ATP8B4: variants seen among roughly 807,000 people sequenced by gnomAD.
ATP8B4 encodes the protein ATPase phospholipid transporting 8B4 (putative).
A neutral mutation model predicts 145.6 loss-of-function variants in ATP8B4; 133 were observed. The observed-to-expected ratio is 0.91, with a 90% CI of 0.79 to 1.05. The LOEUF (loss-of-function observed/expected upper bound fraction) is 1.05, where lower values mean the gene tolerates loss of function less well. ATP8B4 is among the 50% of genes least tolerant of loss of function. The pLI is 0.00. For missense variants in ATP8B4, 1,458 were observed against 1,425.2 expected (o/e 1.02, Z -0.37); for synonymous variants, 507 against 492.9 (o/e 1.03, Z -0.38).
chr15:49,867,182 G>T (rs982066321), intron 25 of ATP8B4, among the ~76,000 whole-genome samples: 1 of 152,168 alleles, frequency 6.6e-6, no homozygotes, highest in Non-Finnish European at 1.5e-5. Flanking sequence ...GTTCTTCAGA[G>T]AATAAAAAAG....
chr15:49,946,660 G>A (rs1339360669), intron 14 of ATP8B4, among the ~76,000 whole-genome samples: 2 of 151,940 alleles, frequency 1.3e-5, no homozygotes, highest in African/African-American at 4.8e-5. Context: ...TGCAACCCAG[G>A]GATGAAGGAC....
Position 49,860,096 on chromosome 15 carries a change from GC to G in ATP8B4, c.*97del. The G allele has an allele frequency of 7.1e-7, 1 of 1,413,566 alleles. No homozygotes were observed. Among genetic ancestry groups the G allele is most frequent in the Non-Finnish European group, 9.6e-7 (1 of 1,044,814 alleles). 87.6% of individuals were successfully genotyped at this position (1,413,566 alleles called of 1,614,324 possible). A position where few individuals can be genotyped will look rare whatever the true frequency, so the allele number is the denominator to read the frequency against. On this transcript the variant is annotated 3_prime_UTR_variant, in exon 28 of 28. Coordinates refer to ENST00000284509, the MANE Select transcript of ATP8B4 (RefSeq NM_024837.4). ...TTAAGTTAAGTGAGGCAATCTGCCT[GC>G]CCCACCTCTTGCCTCAAATCTCAAA... is the stretch of plus-strand genomic sequence containing the variant.
At chr15:49,877,075 G>T (rs1412863944) in intron 24 of ATP8B4, among the ~76,000 whole-genome samples, 1 of 152,164 alleles carries the variant, frequency 6.6e-6, no homozygotes, top group Non-Finnish European at 1.5e-5. Flanking sequence ...TGAGAAGGAG[G>T]CTGGGATGAG....
rs904777712 is a variant in ATP8B4, at chr15:49,977,280, A to G, written c.1034+2337T>C. Among the ~76,000 whole-genome samples, 7 of 152,278 alleles carry G rather than the reference A, an allele frequency of 4.6e-5. No individual in the cohort carries two copies. In the South Asian group the frequency reaches 6.2e-4, roughly 14 times the overall value. ...TCTCTTTTCCTATGTCTCAATCTTT[A>G]GGACCGAGAAACCTGAAATTCCTTG... On this transcript the variant is annotated intron_variant, in intron 12 of 27. Coordinates refer to ENST00000284509, the MANE Select transcript of ATP8B4 (RefSeq NM_024837.4).
intron 1 of ATP8B4, among the ~76,000 whole-genome samples, chr15:50,158,491 C>T (rs533446024): frequency 1.4e-3 from 216 of 149,932 alleles, no homozygotes; most frequent in African/African-American, 4.2e-3. Context: ...GGTGGGGGGG[C>T]GCCTCCGCCC....
chr15:49,904,673 G>C (rs908472590), intron 20 of ATP8B4, among the ~76,000 whole-genome samples: 2 of 152,166 alleles, frequency 1.3e-5, no homozygotes, highest in Non-Finnish European at 1.5e-5. Context: ...ACTCCCTGAT[G>C]TATAATAGAT....
chr15:50,037,936 T>C (rs1163453820), intron 6 of ATP8B4, among the ~76,000 whole-genome samples: 2 of 152,242 alleles, frequency 1.3e-5, no homozygotes, highest in African/African-American at 4.8e-5. Context: ...CCCCTCTTGA[T>C]ATCTTTAGCA....
chr15:49,936,688 T>G (rs776620509), intron 14 of ATP8B4, among the ~76,000 whole-genome samples: 2 of 152,118 alleles, frequency 1.3e-5, no homozygotes, highest in Non-Finnish European at 2.9e-5. Flanking sequence ...GGAAGTTCTC[T>G]TCTGATATTT....
intron 1 of ATP8B4, among the ~76,000 whole-genome samples, chr15:50,163,088 G>T (rs1041052933): frequency 6.6e-6 from 1 of 152,150 alleles, no homozygotes; most frequent in East Asian, 1.9e-4. Context: ...TGTCTGAAAG[G>T]TCACATATCT....
At chr15:49,955,471 A>G (rs2043477426) in intron 14 of ATP8B4, among the ~76,000 whole-genome samples, 1 of 152,220 alleles carries the variant, frequency 6.6e-6, no homozygotes, top group Admixed American at 6.5e-5. Flanking sequence ...AAACAGTATG[A>G]AAGTTCCTCA....
intron 23 of ATP8B4, among the ~76,000 whole-genome samples, chr15:49,886,482 T>G (rs1045055140): frequency 6.6e-6 from 1 of 152,210 alleles, no homozygotes; most frequent in Non-Finnish European, 1.5e-5. Flanking sequence ...AGGTACATTT[T>G]CATGCTAATC....
chr15:50,099,810 G>A (rs564918616), intron 2 of ATP8B4, among the ~76,000 whole-genome samples: 4 of 152,020 alleles, frequency 2.6e-5, no homozygotes, highest in East Asian at 3.9e-4. Flanking sequence ...AGGCCGAGGC[G>A]GGCAGATCAC....
chr15:49,901,068 G>C (rs1163979656), intron 21 of ATP8B4, 24 bp downstream of exon 21: 2 of 1,607,062 alleles, frequency 1.2e-6, no homozygotes, highest in South Asian at 2.2e-5. Context: ...AAAAAGAAAG[G>C]ACAAAAACCT....
chr15:49,954,938 G>A (rs553106099), intron 14 of ATP8B4, among the ~76,000 whole-genome samples: 8 of 152,210 alleles, frequency 5.3e-5, no homozygotes, highest in East Asian at 3.9e-4. Context: ...GCCCATCAGC[G>A]GTGGATAGGA....
chr15:49,998,986 T>C (rs1248715462), intron 8 of ATP8B4, among the ~76,000 whole-genome samples: 1 of 152,180 alleles, frequency 6.6e-6, no homozygotes, highest in Non-Finnish European at 1.5e-5. Context: ...GCACCATTTA[T>C]TAAATAGGGA....
At chr15:49,873,110 T>TA (rs1477175984) in intron 25 of ATP8B4, among the ~76,000 whole-genome samples, 1 of 152,232 alleles carries the variant, frequency 6.6e-6, no homozygotes, top group East Asian at 1.9e-4. Flanking sequence ...GGTTATCCAT[T>TA]TTTTAATTAT....
intron 25 of ATP8B4, among the ~76,000 whole-genome samples, chr15:49,871,418 T>C (rs1443285340): frequency 2.6e-5 from 4 of 152,218 alleles, no homozygotes; most frequent in Non-Finnish European, 5.9e-5. Context: ...CTGTGTGACC[T>C]CAGGCAAGTC....
At chr15:49,969,172 G>A (rs193085372) in intron 13 of ATP8B4, among the ~76,000 whole-genome samples, 5 of 152,214 alleles carry the variant, frequency 3.3e-5, no homozygotes, top group Admixed American at 3.3e-4. Context: ...GGAGAAAGAT[G>A]GAAAGATCTA....
chr15:50,031,730 C>G (rs2050458771), intron 6 of ATP8B4, among the ~76,000 whole-genome samples: 1 of 151,962 alleles, frequency 6.6e-6, no homozygotes, highest in South Asian at 2.1e-4. Flanking sequence ...AAGTTGTTTC[C>G]AAGAATATAG....
Sources: gnomAD v4.1 joint callset for allele counts (sites outside exome capture counted in the v4.1 genomes callset) on GRCh38, gnomAD v4.1.1 for gene constraint, MANE v1.5 for transcripts, NCBI Gene and HGNC (gene_info 2026-07-23, HGNC 2026-07-21) for gene names.